ADAMTS13: variants seen among roughly 807,000 people sequenced by gnomAD.
ADAMTS13 encodes the protein ADAM metallopeptidase with thrombospondin type 1 motif 13.
Under a neutral mutation model 155.1 loss-of-function variants are expected in ADAMTS13, and 110 were observed. That is an observed-to-expected ratio of 0.71 (90% confidence interval 0.61 to 0.83). The LOEUF is 0.83. ADAMTS13 is among the 40% of genes least tolerant of loss of function. The pLI is 0.00. For synonymous variants in ADAMTS13, 758 were observed against 756.4 expected, an observed-to-expected ratio of 1.00 and a Z score of -0.03; for missense variants, 1,707 against 1,891.7, an observed-to-expected ratio of 0.90 and a Z score of 1.81.
chr9:133,429,414 A>C (rs1840551258), intron 7 of ADAMTS13, among the ~76,000 whole-genome samples: 3 of 98,158 alleles, frequency 3.1e-5, no homozygotes, highest in Admixed American at 1.2e-4. Flanking sequence ...GTTCTCTCCC[A>C]CTTGCCTACA....
chr9:133,455,649 G>T, intron 25 of ADAMTS13: 2 of 1,590,602 alleles, frequency 1.3e-6, no homozygotes, highest in Non-Finnish European at 1.7e-6. Context: ...TGCAGGAGGG[G>T]TGGGCAAAGG....
rs587623938 is a variant in ADAMTS13, at chr9:133,438,636, C to T, written c.1705+270C>T. 2.9e-4 allele frequency among the ~76,000 whole-genome samples: 44 copies of T among 152,142 alleles called. No individual in the cohort carries two copies. The South Asian group carries it at 8.7e-3, about 30-fold the overall frequency. On this transcript the variant is annotated intron_variant, in intron 14 of 28. Transcript: ENST00000355699. ...CTGCAAAAAAAACACAGACATTGGC[C>T]GGGCGCTGTGCTCACGCCTGTACTC...
At chr9:133,422,054 G>C (rs1022710550), upstream of ADAMTS13, 2 of 257,566 alleles carry the variant, frequency 7.8e-6, no homozygotes, top group Non-Finnish European at 1.5e-5. Context: ...CGGGGACCCC[G>C]GAGAGGGAGT....
intron 27 of ADAMTS13, 134 bp from the exon 28 acceptor site, chr9:133,457,776 G>T: frequency 8.7e-7 from 1 of 1,149,032 alleles, no homozygotes; most frequent in Non-Finnish European, 1.3e-6. Context: ...GTGGGGTTCA[G>T]CAGGATTTGC....
chr9:133,414,804 G>A (rs1839469071), intron 1 of ADAMTS13: 3 of 1,614,032 alleles, frequency 1.9e-6, no homozygotes, highest in Non-Finnish European at 2.5e-6. Context: ...TTGGTGCGAG[G>A]TACTGGCGCC....
intron 1 of ADAMTS13, 96 bp downstream of exon 1, chr9:133,422,644 A>G (rs1840027670): frequency 1.7e-5 from 21 of 1,248,414 alleles, no homozygotes; most frequent in South Asian, 5.0e-5. Context: ...AGCTGACTAC[A>G]TCAGCTTTGG....
chr9:133,431,779 C>T (rs1265030964), intron 8 of ADAMTS13, among the ~76,000 whole-genome samples: 4 of 152,162 alleles, frequency 2.6e-5, no homozygotes, highest in Non-Finnish European at 2.9e-5. Context: ...ATCAGCCTCC[C>T]GAATAGCTGG....
rs1842567934 is a variant in ADAMTS13 at position 133,453,559 on chromosome 9, G to T, written c.3045-856G>T. Among the ~76,000 whole-genome samples, 8 of 152,308 alleles carry T rather than the reference G, an allele frequency of 5.3e-5. No individual in the cohort carries two copies. The South Asian group carries it at 1.7e-3, about 32-fold the overall frequency. On this transcript the variant is annotated intron_variant, in intron 23 of 28. Transcript: ENST00000355699. Reference sequence around the variant, plus strand: ...TGCCTGTAGTCTCAGCTACTTGGGAGGCTGAGGTGAGAGGATGGCTTGAAC... The same window carrying T: ...TGCCTGTAGTCTCAGCTACTTGGGATGCTGAGGTGAGAGGATGGCTTGAAC...
rs782741622 is a variant in ADAMTS13 at position 133,455,584 on chromosome 9, G to A, written c.3400+149G>A. On this transcript the variant is annotated intron_variant, in intron 25 of 28. Transcript: ENST00000355699. Reference sequence around the variant, plus strand: ...CTCGGCGGCTCCTGCCCGGGCCCCAGGAAAACTCAGTGCAGTCCAGTTATG... The same window carrying A: ...CTCGGCGGCTCCTGCCCGGGCCCCAAGAAAACTCAGTGCAGTCCAGTTATG... 11 of 1,604,226 alleles carry A rather than the reference G, an allele frequency of 6.9e-6. No homozygotes were observed. The South Asian group carries it at 9.9e-5, about 14-fold the overall frequency.
intron 1 of ADAMTS13, among the ~76,000 whole-genome samples, chr9:133,416,876 A>T (rs1234209446): frequency 6.6e-6 from 1 of 152,210 alleles, no homozygotes; most frequent in Middle Eastern, 3.2e-3. Context: ...CAGAGTGCAC[A>T]TTTTTAGGAG....
At chr9:133,419,720 T>C (rs1554782591), upstream of ADAMTS13, among the ~76,000 whole-genome samples, 1 of 152,008 alleles carries the variant, frequency 6.6e-6, no homozygotes, top group Non-Finnish European at 1.5e-5. Context: ...TGTCAGCAAG[T>C]CCACCGAAAA....
chr9:133,414,492 TATC>T (rs1839434630), exon 1 of ADAMTS13: 1 of 725,720 alleles, frequency 1.4e-6, no homozygotes, highest in Non-Finnish European at 2.5e-6. Flanking sequence ...GGCCCTGCCT[TATC>T]ATGCGCACAC....
chr9:133,429,848 A>G, intron 7 of ADAMTS13, 91 bp from the exon 8 acceptor site: 4 of 1,497,104 alleles, frequency 2.7e-6, no homozygotes, highest in Non-Finnish European at 3.6e-6. Context: ...ACGCTTCCAA[A>G]CGCTTCCATC....
chr9:133,434,303 T>A (rs1564419210), intron 11 of ADAMTS13, among the ~76,000 whole-genome samples: 1 of 152,112 alleles, frequency 6.6e-6, no homozygotes. Context: ...AGGAATTTTT[T>A]AAATATTATT....
Position 133,437,039 on chromosome 9 carries a change from A to G in ADAMTS13, c.1435+84A>G. 3 of 1,495,422 alleles carry G rather than the reference A, an allele frequency of 2.0e-6. No homozygotes were observed. In the Admixed American group the frequency reaches 6.0e-5, roughly 30 times the overall value. The allele number at this position is 1,495,422 out of a possible 1,614,324, so 92.6% of individuals were successfully genotyped here. ...GGCAGAGTCATAGGGGGGTTGGCCTACTATCCCTCCAGCACTGGGCAAAGT... is the reference window on the plus strand; with the variant it reads ...GGCAGAGTCATAGGGGGGTTGGCCTGCTATCCCTCCAGCACTGGGCAAAGT... On this transcript the variant is annotated intron_variant, in intron 12 of 28. Coordinates refer to ENST00000355699, the MANE Select transcript of ADAMTS13 (RefSeq NM_139027.6).
chr9:133,419,631 G>A (rs1344598445), upstream of ADAMTS13, among the ~76,000 whole-genome samples: 2 of 152,260 alleles, frequency 1.3e-5, no homozygotes, highest in East Asian at 3.9e-4. Context: ...TCCAGGGGGA[G>A]AATAAACCAC....
At chr9:133,446,313 C>G (rs1177348758) in intron 21 of ADAMTS13, among the ~76,000 whole-genome samples, 1 of 152,204 alleles carries the variant, frequency 6.6e-6, no homozygotes, top group East Asian at 1.9e-4. Flanking sequence ...CAAACTGGAG[C>G]TCTGTCCCTG....
Position 133,424,186 on chromosome 9 carries a change from C to T in ADAMTS13, c.173-135C>T. 2.8e-6 allele frequency: 4 copies of T among 1,413,622 alleles called. No individual in the cohort carries two copies. The highest frequency in any genetic ancestry group is 3.0e-6 in the Non-Finnish European group (3 of 1,016,162). 87.6% of individuals were successfully genotyped at this position (1,413,622 alleles called of 1,614,324 possible). A position where few individuals can be genotyped will look rare whatever the true frequency, so the allele number is the denominator to read the frequency against. On this transcript the variant is annotated intron_variant, in intron 2 of 28. Transcript: ENST00000355699. This position sits in a 1 kb window ranked among gnomAD's most constrained non-coding sequence, Gnocchi z 4.3. ...GCCTAGTCACTAATGGGGTCTGGCT[C>T]TTGGGGTGGGGGTGACACGCAATGT...
intron 25 of ADAMTS13, 99 bp from the exon 26 acceptor site, chr9:133,455,970 C>A: frequency 6.5e-7 from 1 of 1,536,480 alleles, no homozygotes; most frequent in Non-Finnish European, 8.9e-7. Context: ...CAGGGTCCAC[C>A]CCTACCTCCT....
Sources: gnomAD v4.1 joint callset for allele counts (sites outside exome capture counted in the v4.1 genomes callset) on GRCh38, gnomAD v4.1.1 for gene constraint, Gnocchi (gnomAD v3.1) non-coding constraint, MANE v1.5 for transcripts, NCBI Gene and HGNC (gene_info 2026-07-23, HGNC 2026-07-21) for gene names.